The following IKBKG variants were observed in gnomAD, a reference collection of about 807,000 sequenced individuals.
IKBKG encodes the protein NF-kappa-B essential modulator.
Under a neutral mutation model 13.7 loss-of-function variants are expected in IKBKG, and 2 were observed. The ratio of observed to expected loss-of-function variants is 0.15; its 90% confidence interval spans 0.06 to 0.46. The LOEUF (loss-of-function observed/expected upper bound fraction) is 0.46, where lower values mean the gene tolerates loss of function less well. Among genes scored for constraint, IKBKG ranks in the 20% least tolerant of loss-of-function variants. IKBKG has a pLI of 0.98. For synonymous variants in IKBKG, 22 were observed against 64.4 expected, an observed-to-expected ratio of 0.34 and a Z score of 3.15; for missense variants, 53 against 150.3, an observed-to-expected ratio of 0.35 and a Z score of 3.39.
chrX:154,541,831 G>A (rs782313849), intron 1 of IKBKG, among the ~76,000 whole-genome samples: 166 of 112,348 alleles, frequency 1.5e-3, no homozygotes, highest in African/African-American at 5.1e-3. Context: ...TTTATAAACC[G>A]AAATCGCTGC....
upstream of IKBKG, chrX:154,542,585 C>A: frequency 1.1e-6 from 1 of 872,527 alleles, no homozygotes; most frequent in Non-Finnish European, 1.5e-6. Context: ...GTGAGGTAAG[C>A]TGGCCAGGGA....
intron 1 of IKBKG, among the ~76,000 whole-genome samples, chrX:154,549,374 C>T (rs1037219993): frequency 3.6e-5 from 4 of 110,783 alleles, no homozygotes; most frequent in Non-Finnish European, 5.7e-5. Flanking sequence ...CAGGTTTGAG[C>T]GATTCTCCTG....
intron 2 of IKBKG, among the ~76,000 whole-genome samples, chrX:154,553,267 A>T (rs1485812300): frequency 8.9e-6 from 1 of 112,399 alleles, no homozygotes; most frequent in Non-Finnish European, 1.9e-5. Flanking sequence ...GCGAGGTGGC[A>T]TGTGCCGTGA....
At chrX:154,553,538 G>C (rs782464131) in intron 2 of IKBKG, among the ~76,000 whole-genome samples, 1 of 112,262 alleles carries the variant, frequency 8.9e-6, no homozygotes, top group East Asian at 2.8e-4. Context: ...TGGTCTCCTC[G>C]ACGGTGAGGC....
At chrX:154,555,848 G>A (rs2071047366) in intron 2 of IKBKG, among the ~76,000 whole-genome samples, 1 of 112,902 alleles carries the variant, frequency 8.9e-6, no homozygotes, top group Middle Eastern at 4.2e-3. Context: ...CCAAAGTGCT[G>A]GGATTACAGG....
intron 6 of IKBKG, 118 bp from the exon 7 acceptor site, chrX:154,562,690 CAG>C (rs1337775505): frequency 2.4e-5 from 4 of 165,581 alleles, no homozygotes; most frequent in South Asian, 6.9e-5. Context: ...GCCCTCAAAT[CAG>C]GGGCTGGCAT....
At chrX:154,544,740 G>A (rs1395618770), upstream of IKBKG, among the ~76,000 whole-genome samples, 1 of 111,946 alleles carries the variant, frequency 8.9e-6, no homozygotes, top group African/African-American at 3.2e-5. Flanking sequence ...GCCACTGGCA[G>A]AGCCCTTCTC....
At chrX:154,547,274 T>C (rs2070766576), upstream of IKBKG, 1 of 718,982 alleles carries the variant, frequency 1.4e-6, no homozygotes, top group Non-Finnish European at 1.6e-6. Flanking sequence ...GGCGGGGCCT[T>C]CTGCCGCGCC....
intron 2 of IKBKG, among the ~76,000 whole-genome samples, chrX:154,552,789 T>C (rs1295534417): frequency 8.9e-6 from 1 of 112,261 alleles, no homozygotes; most frequent in Non-Finnish European, 1.9e-5. Flanking sequence ...GGGGAGTTCT[T>C]TCCTAGACTG....
chrX:154,562,973 AC>A lies in IKBKG; in HGVS notation c.912+23del. On this transcript the variant is annotated intron_variant, in intron 7 of 9. Transcript: ENST00000594239. The stretch of plus-strand genomic sequence containing the variant: ...GCCCAGGTGAGGGCCCTCCTCTCTG[AC>A]CCACCCTGGCACTGGGACCTGGAGA... The A allele has an allele frequency of 1.7e-6, 1 of 595,605 alleles. No homozygotes were observed. The highest frequency in any genetic ancestry group is 2.5e-6 in the Non-Finnish European group (1 of 402,105). The allele number at this position is 595,605 out of a possible 1,213,427, so 49.1% of individuals were successfully genotyped here. A position where few individuals can be genotyped will look rare whatever the true frequency, so the allele number is the denominator to read the frequency against.
chrX:154,552,338 A>G (rs1557235275), intron 2 of IKBKG, 149 bp downstream of exon 2: 1 of 436,247 alleles, frequency 2.3e-6, no homozygotes. Flanking sequence ...ATTAGCGGGG[A>G]GGAAGTTTAG....
exon 2 of IKBKG, chrX:154,542,296 G>A (rs2070532804): frequency 8.6e-7 from 1 of 1,167,868 alleles, no homozygotes; most frequent in Non-Finnish European, 1.1e-6. Flanking sequence ...GGAAACTAAG[G>A]CCCAGAGAAG....
chrX:154,546,894 G>C, upstream of IKBKG: 1 of 952,339 alleles, frequency 1.1e-6, no homozygotes, highest in Non-Finnish European at 1.4e-6. Flanking sequence ...GCGGGGGCGG[G>C]CGCCTGGGCT....
chrX:154,551,795 A>G (rs1191875738), intron 1 of IKBKG, among the ~76,000 whole-genome samples, 193 bp from the exon 2 acceptor site: 7 of 111,720 alleles, frequency 6.3e-5, no homozygotes, highest in African/African-American at 1.3e-4. Context: ...CAAGTCCCAC[A>G]TGGGTGGTCC....
At chrX:154,541,424 G>A (rs375048905) in intron 1 of IKBKG, 1 of 111,761 alleles carries the variant, frequency 8.9e-6, no homozygotes, top group Non-Finnish European at 1.9e-5. Flanking sequence ...GGTAAGGCAG[G>A]CCGCTCTCTC....
At chrX:154,551,416 C>T (rs993536667) in intron 1 of IKBKG, among the ~76,000 whole-genome samples, 1 of 110,824 alleles carries the variant, frequency 9.0e-6, no homozygotes, top group Non-Finnish European at 1.9e-5. Flanking sequence ...GAGGCAGTCC[C>T]GACATGGCCT....
chrX:154,547,884 A>G (rs908451546), intron 1 of IKBKG, 139 bp downstream of exon 1: 19 of 753,437 alleles, frequency 2.5e-5, no homozygotes, highest in African/African-American at 4.6e-5. Context: ...GCACTGGCCA[A>G]GGCGGGCCGA....
At position 154,548,815 on chromosome X, in the gene IKBKG, C is replaced by T. The variant is rs191266974; in HGVS notation, c.-16+1070C>T. ...TCCTGACCTCAGGTGATCTGCCTGC[C>T]TCAGACTCCCAAAGTGCTGGGATTA... is the stretch of plus-strand genomic sequence containing the variant. On this transcript the variant is annotated intron_variant, in intron 1 of 9. Transcript: ENST00000594239. 2.7e-3 allele frequency among the ~76,000 whole-genome samples: 302 copies of T among 111,069 alleles called. 2 individuals carry two copies. Among genetic ancestry groups the T allele is most frequent in the Non-Finnish European group, 4.6e-3 (246 of 52,927 alleles).
chrX:154,552,998 A>G (rs2070976494), intron 2 of IKBKG, among the ~76,000 whole-genome samples: 2 of 111,024 alleles, frequency 1.8e-5, no homozygotes, highest in Non-Finnish European at 3.8e-5. Flanking sequence ...CCCGCCATAT[A>G]CTCTTGCCTT....
Sources: gnomAD v4.1 joint callset for allele counts (sites outside exome capture counted in the v4.1 genomes callset) on GRCh38, gnomAD v4.1.1 for gene constraint, MANE v1.5 for transcripts, NCBI Gene and HGNC (gene_info 2026-07-23, HGNC 2026-07-21) for gene names.